ANKRD55: variants seen among roughly 807,000 people sequenced by gnomAD.
The protein encoded by ANKRD55 is ankyrin repeat domain-containing protein 55.
In ANKRD55, 41 loss-of-function variants were observed where a neutral mutation model predicts 60.6. The ratio of observed to expected loss-of-function variants is 0.68; its 90% CI spans 0.53 to 0.88. The LOEUF is 0.88. ANKRD55 is among the 40% of genes least tolerant of loss of function. ANKRD55 has a pLI of 0.00. For synonymous variants in ANKRD55, 264 were observed against 290.3 expected, an observed-to-expected ratio of 0.91 and a Z score of 0.92; for missense variants, 732 against 767.6, an observed-to-expected ratio of 0.95 and a Z score of 0.55.
chr5:56,154,554 C>A (rs541468304), intron 6 of ANKRD55, among the ~76,000 whole-genome samples: 7 of 149,016 alleles, frequency 4.7e-5, no homozygotes, highest in African/African-American at 1.7e-4. Flanking sequence ...TTGGCAAAAA[C>A]GGAATTACAG....
intron 6 of ANKRD55, among the ~76,000 whole-genome samples, chr5:56,159,430 C>T (rs967445671): frequency 6.6e-6 from 1 of 151,680 alleles, no homozygotes; most frequent in African/African-American, 2.4e-5. Context: ...CACTGCACTC[C>T]AGCCTGGGCA....
chr5:56,110,798 C>G (rs550107854), intron 10 of ANKRD55, among the ~76,000 whole-genome samples: 1 of 152,340 alleles, frequency 6.6e-6, no homozygotes, highest in South Asian at 2.1e-4. Flanking sequence ...AGGTATTTGC[C>G]ACACACTAGT....
intron 8 of ANKRD55, among the ~76,000 whole-genome samples, chr5:56,123,888 C>A (rs962163551): frequency 2.0e-5 from 3 of 152,132 alleles, no homozygotes; most frequent in African/African-American, 7.2e-5. Flanking sequence ...TTCAGGATGT[C>A]CTGCAAACAC....
At chr5:56,170,925 G>T in intron 4 of ANKRD55, 122 bp from the exon 5 acceptor site, 1 of 854,728 alleles carries the variant, frequency 1.2e-6, no homozygotes, top group Non-Finnish European at 1.8e-6. Context: ...TATTTGACTT[G>T]AAGTGGTTAA....
chr5:56,136,851 G>A, intron 7 of ANKRD55: 1 of 354,898 alleles, frequency 2.8e-6, no homozygotes, highest in South Asian at 2.3e-5. Context: ...AGACCAGGAG[G>A]TCCAGGCTGC....
rs879658888 is a variant in ANKRD55, at chr5:56,121,518, GCC to G, written c.798-4738_798-4737del. Among the ~76,000 whole-genome samples the G allele has an allele frequency of 4.6e-3, 695 of 151,746 alleles. 4 individuals carry two copies. The highest frequency in any genetic ancestry group is 8.1e-3 in the Admixed American group (124 of 15,220). The stretch of plus-strand genomic sequence containing the variant: ...CTCCCGAGTAGCTGGGACTACAGGC[GCC>G]CGCCACCACACCCAGCTAATTTTTG... On this transcript the variant is annotated intron_variant, in intron 8 of 11. Transcript: ENST00000341048.
At chr5:56,159,764 G>A in intron 6 of ANKRD55, 69 bp downstream of exon 6, 1 of 1,493,066 alleles carries the variant, frequency 6.7e-7, no homozygotes, top group Non-Finnish European at 9.3e-7. Context: ...AAGCACAATG[G>A]TTCAGAAACG....
intron 4 of ANKRD55, among the ~76,000 whole-genome samples, chr5:56,172,578 AT>A (rs11404516): frequency 3.3e-5 from 5 of 150,538 alleles, no homozygotes; most frequent in Middle Eastern, 3.4e-3. Flanking sequence ...TGGTTTTCTG[AT>A]TTTTTTTTTC....
At chr5:56,137,111 A>G (rs1757625449) in intron 7 of ANKRD55, 10 of 1,181,744 alleles carry the variant, frequency 8.5e-6, no homozygotes, top group African/African-American at 3.0e-5. Context: ...GAAAAGCCAC[A>G]AAGTATCTGA....
chr5:56,100,465 A>G (rs1580928262), intron 11 of ANKRD55, among the ~76,000 whole-genome samples, 161 bp from the exon 12 acceptor site: 1 of 152,170 alleles, frequency 6.6e-6, no homozygotes, highest in East Asian at 1.9e-4. Flanking sequence ...TATCTTGTAT[A>G]TATATCTGTT....
At chr5:56,209,206 C>T (rs1473125002) in intron 2 of ANKRD55, among the ~76,000 whole-genome samples, 1 of 152,166 alleles carries the variant, frequency 6.6e-6, no homozygotes, top group Non-Finnish European at 1.5e-5. Flanking sequence ...ATCTACCCCC[C>T]TCGGCCTCCC....
chr5:56,217,573 ACT>A (rs1018560010), intron 2 of ANKRD55, among the ~76,000 whole-genome samples: 5 of 152,102 alleles, frequency 3.3e-5, no homozygotes, highest in African/African-American at 7.2e-5. Context: ...AATAAGAAAA[ACT>A]CTGGAAAGAA....
chr5:56,203,874 T>C (rs1232457344), intron 2 of ANKRD55, among the ~76,000 whole-genome samples: 2 of 152,166 alleles, frequency 1.3e-5, no homozygotes, highest in African/African-American at 4.8e-5. Flanking sequence ...CTGGGTCAAA[T>C]GGTATTTCTA....
intron 2 of ANKRD55, among the ~76,000 whole-genome samples, chr5:56,225,660 A>G (rs1296378026): frequency 6.6e-6 from 1 of 152,226 alleles, no homozygotes; most frequent in Non-Finnish European, 1.5e-5. Context: ...ATCAATGTGC[A>G]AAAATCACAA....
At chr5:56,165,748 G>A (rs1758430667) in intron 5 of ANKRD55, among the ~76,000 whole-genome samples, 1 of 152,064 alleles carries the variant, frequency 6.6e-6, no homozygotes, top group African/African-American at 2.4e-5. Context: ...TGACCAACAT[G>A]GAGAAACCCC....
chr5:56,209,444 C>T (rs1014587819), intron 2 of ANKRD55, among the ~76,000 whole-genome samples: 2 of 151,096 alleles, frequency 1.3e-5, no homozygotes, highest in Non-Finnish European at 2.9e-5. Context: ...TGAATAATAC[C>T]AAAACATTTT....
In ANKRD55 at chr5:56,159,877, A is replaced by G. The variant is rs1758282102; in HGVS notation, c.439T>C (p.Leu147=). ...EPDMRLLTVL[L]QQSNISEINH... is the part of the protein sequence containing the mutation. ...ATCTCGCTGATGTTCGACTGTTGCA[A>G]CAGGACCGTGAGGAGCCTGTAAGGA... Residue 147 remains leucine, a synonymous_variant, in exon 6 of 12, where the codon TTG becomes CTG. Transcript: ENST00000341048. 6.2e-7 allele frequency: 1 copy of G among 1,613,800 alleles called. No individual in the cohort carries two copies. The highest frequency in any genetic ancestry group is 1.7e-5 in the Admixed American group (1 of 60,004).
At chr5:56,130,012 G>A (rs17646010) in intron 7 of ANKRD55, among the ~76,000 whole-genome samples, 18,560 of 152,170 alleles carry the variant, frequency 0.12, 1,221 homozygotes, top group Middle Eastern at 0.24. Context: ...GGGCTAACTA[G>A]AGAAAGAAAC....
intron 6 of ANKRD55, among the ~76,000 whole-genome samples, chr5:56,155,863 A>C (rs1003238118): frequency 6.6e-6 from 1 of 151,870 alleles, no homozygotes; most frequent in Non-Finnish European, 1.5e-5. Context: ...AAAAAAAAAA[A>C]AACCAAAACC....
Sources: allele counts gnomAD v4.1 joint callset (sites outside exome capture counted in the v4.1 genomes callset), GRCh38; gene constraint gnomAD v4.1.1; transcripts MANE v1.5; gene names NCBI Gene and HGNC (gene_info 2026-07-23, HGNC 2026-07-21).